Variants in MYH9 observed in about 807,000 individuals in gnomAD.
MYH9 encodes myosin heavy chain 9.
MYH9 carries 29 observed loss-of-function variants against 241.9 expected under a neutral mutation model. The ratio of observed to expected loss-of-function variants is 0.12; its 90% CI spans 0.09 to 0.16. The LOEUF (loss-of-function observed/expected upper bound fraction) is 0.16, where lower values mean the gene tolerates loss of function less well. Among genes scored for constraint, MYH9 ranks in the 10% least tolerant of loss-of-function variants. The pLI is 1.00. For missense variants in MYH9, 1,803 were observed against 2,595.5 expected (o/e 0.69, Z 6.63); for synonymous variants, 1,047 against 1,062.6 (o/e 0.99, Z 0.29).
At chr22:36,292,255 A>T (rs572877898) in intron 30 of MYH9, 21 bp from the exon 31 acceptor site, 1 of 1,613,334 alleles carries the variant, frequency 6.2e-7, no homozygotes, top group South Asian at 1.1e-5. Flanking sequence ...GCAAGGAGTA[A>T]GCAGATGCCC....
intron 1 of MYH9, among the ~76,000 whole-genome samples, chr22:36,369,037 T>C (rs1299600640): frequency 6.6e-6 from 1 of 152,010 alleles, no homozygotes; most frequent in East Asian, 1.9e-4. Flanking sequence ...CCAAGGTGTA[T>C]GATACTGCAC....
intron 1 of MYH9, among the ~76,000 whole-genome samples, chr22:36,380,865 T>C (rs1289376370): frequency 1.3e-5 from 2 of 152,328 alleles, no homozygotes; most frequent in South Asian, 2.1e-4. Flanking sequence ...AAGCGAATTA[T>C]GGAAACCTTG....
intron 13 of MYH9, 115 bp from the exon 14 acceptor site, chr22:36,312,337 C>T: frequency 9.5e-7 from 1 of 1,056,118 alleles, no homozygotes; most frequent in Non-Finnish European, 1.4e-6. Context: ...CGGTGGGCGA[C>T]ACACTCCCCA....
At chr22:36,384,651 T>C (rs1206069213) in intron 1 of MYH9, among the ~76,000 whole-genome samples, 13 of 98,330 alleles carry the variant, frequency 1.3e-4, no homozygotes, top group South Asian at 3.5e-4. Context: ...TATATATATA[T>C]ACAGCCACTA....
In MYH9 at chr22:36,305,937, GA is replaced by G. The variant is rs1228707838; in HGVS notation, c.2151del (p.Arg718GlyfsTer7). 6.2e-7 allele frequency: 1 copy of G among 1,613,054 alleles called. No individual in the cohort carries two copies. Among genetic ancestry groups the G allele is most frequent in the Non-Finnish European group, 8.5e-7 (1 of 1,179,980 alleles). ...CTCCGGGCCCTGGCTCACCTCTGCC[GA>G]AACTCCTGGAAGACCACCCTGTTGG... ...GFPNRVVFQE[F>X]RQRYEILTPN... On this transcript the variant is annotated frameshift_variant, in exon 17 of 41. Coordinates refer to ENST00000216181, the MANE Select transcript of MYH9 (RefSeq NM_002473.6). LOFTEE classifies it high-confidence loss of function. The surrounding 1 kb of genome is among the most constrained non-coding windows in gnomAD (Gnocchi z 4.7).
intron 15 of MYH9, among the ~76,000 whole-genome samples, chr22:36,308,632 T>C (rs980049922): frequency 6.6e-6 from 1 of 152,014 alleles, no homozygotes; most frequent in Non-Finnish European, 1.5e-5. Context: ...AGGCCGGCGA[T>C]AGGCACAGTG....
chr22:36,302,600 G>A lies in MYH9; in HGVS notation c.2467C>T (p.Arg823Trp), dbSNP rs1569535262. ...QRNCAAYLKL[R>W]NWQWWRLFTK... is the part of the protein sequence containing the mutation. ...AAGAGCCGCCACCACTGCCAGTTCCGCAGCTTCAGGTAGGCAGCGCAGTTC... is the reference window on the plus strand; with the variant it reads ...AAGAGCCGCCACCACTGCCAGTTCCACAGCTTCAGGTAGGCAGCGCAGTTC... Residue 823 changes from arginine to tryptophan, a missense_variant, in exon 20 of 41, where the codon CGG becomes TGG. Physicochemically the swap from Arg to Trp is moderately radical, Grantham distance 101. This residue lies in a region of MYH9 where 13 missense variants were observed against 43.8 expected (regional missense o/e 0.30). Transcript: ENST00000216181. 1 of 1,613,444 alleles carries A rather than the reference G, an allele frequency of 6.2e-7. No individual in the cohort carries two copies. The highest frequency in any genetic ancestry group is 1.3e-5 in the African/African-American group (1 of 75,070).
chr22:36,318,825 G>T (rs561924960), intron 10 of MYH9, among the ~76,000 whole-genome samples: 16 of 151,924 alleles, frequency 1.1e-4, no homozygotes, highest in Middle Eastern at 6.8e-3. Context: ...GTGCAGTGGC[G>T]CGATTTCGGC....
intron 1 of MYH9, among the ~76,000 whole-genome samples, chr22:36,371,776 C>A (rs1234158904): frequency 7.2e-5 from 11 of 152,070 alleles, no homozygotes; most frequent in Admixed American, 2.6e-4. Context: ...CTCAGGTGAT[C>A]CGCCCGCCTC....
rs1478110853 is a variant in MYH9, at chr22:36,300,784, G to C, written c.2838+67C>G. 1.9e-6 allele frequency: 3 copies of C among 1,568,200 alleles called. No individual in the cohort carries two copies. The highest frequency in any genetic ancestry group is 2.7e-5 in the African/African-American group (2 of 74,394). On this transcript the variant is annotated intron_variant, in intron 22 of 40. Coordinates refer to ENST00000216181, the MANE Select transcript of MYH9 (RefSeq NM_002473.6). This position sits in a 1 kb window ranked among gnomAD's most constrained non-coding sequence, Gnocchi z 5.0. ...TAATTCCATGTTCTCCCAGCTCCTGGTTCCTGCTCCTCCGCCCCGCCCTGC... is the reference window on the plus strand; with the variant it reads ...TAATTCCATGTTCTCCCAGCTCCTGCTTCCTGCTCCTCCGCCCCGCCCTGC...
At chr22:36,370,026 A>G (rs1374591741) in intron 1 of MYH9, among the ~76,000 whole-genome samples, 3 of 152,280 alleles carry the variant, frequency 2.0e-5, no homozygotes, top group African/African-American at 7.2e-5. Flanking sequence ...AGATAAAAAT[A>G]TATCACCTGG....
At position 36,293,792 on chromosome 22, in the gene MYH9, G is replaced by A. The variant is rs1313746800; in HGVS notation, c.3909C>T (p.Phe1303=). The change falls in exon 29 of 41, where the codon TTC becomes TTT. Residue 1303 remains phenylalanine (F), a synonymous_variant. Transcript: ENST00000216181. This position sits in a 1 kb window ranked among gnomAD's most constrained non-coding sequence, Gnocchi z 5.1. ...CCTGCAGCTGGGACTCCAGCGCGGA[G>A]AAGTCCTTGGTGAGCTTGCTGGACT... ...DSKSSKLTKD[F]SALESQLQDT... is the part of the protein sequence containing the mutation. 1 of 1,613,866 alleles carries A rather than the reference G, an allele frequency of 6.2e-7. No homozygotes were observed. Among genetic ancestry groups the A allele is most frequent in the Non-Finnish European group, 8.5e-7 (1 of 1,180,040 alleles).
chr22:36,381,326 G>A (rs2018251974), intron 1 of MYH9, among the ~76,000 whole-genome samples: 1 of 151,904 alleles, frequency 6.6e-6, no homozygotes, highest in Non-Finnish European at 1.5e-5. Flanking sequence ...ACCAACCTGG[G>A]CAACATGGTG....
Position 36,349,177 on chromosome 22 carries a change from C to T in MYH9, c.60G>A (p.Pro20=), listed in dbSNP as rs754103144. The change falls in exon 2 of 41, where the codon CCG becomes CCA. Residue 20 remains proline (P), a synonymous_variant. Coordinates refer to ENST00000216181, the MANE Select transcript of MYH9 (RefSeq NM_002473.6). The stretch of plus-strand genomic sequence containing the variant: ...TGGCAGCCCAGTCGGCCTGGGCCAG[C>T]GGATTGTTGATGAAGTTTTTATCCA... ...LYVDKNFINN[P]LAQADWAAKK... is the part of the protein sequence containing the mutation. The T allele has an allele frequency of 3.3e-5, 54 of 1,614,040 alleles. No individual in the cohort carries two copies. Among genetic ancestry groups the T allele is most frequent in the Non-Finnish European group, 4.5e-5 (53 of 1,180,008 alleles).
chr22:36,364,370 T>G (rs1698990077), intron 1 of MYH9, among the ~76,000 whole-genome samples: 1 of 152,056 alleles, frequency 6.6e-6, no homozygotes, highest in Non-Finnish European at 1.5e-5. Context: ...TGGGAGAGGC[T>G]CCCATCTTCC....
At position 36,295,401 on chromosome 22, in the gene MYH9, G is replaced by T. The variant is rs1202718072; in HGVS notation, c.3485+104C>A. 3 of 808,622 alleles carry T rather than the reference G, an allele frequency of 3.7e-6. No homozygotes were observed. The highest frequency in any genetic ancestry group is 2.9e-5 in the East Asian group (1 of 34,254). 50.1% of individuals were successfully genotyped at this position (808,622 alleles called of 1,614,324 possible). ...GCCTGCTGGTGCCTAAGAGGGCCAC[G>T]GTGTGTGTGTGTGTGTGTGTGCAGA... On this transcript the variant is annotated intron_variant, in intron 26 of 40. Transcript: ENST00000216181. This position sits in a 1 kb window ranked among gnomAD's most constrained non-coding sequence, Gnocchi z 4.1.
chr22:36,318,184 T>G lies in MYH9; in HGVS notation c.1227+23A>C, dbSNP rs202010494. On this transcript the variant is annotated intron_variant, in intron 11 of 40. Coordinates refer to ENST00000216181, the MANE Select transcript of MYH9 (RefSeq NM_002473.6). ...GACATTCACCCAGGAGGCAGCCAGC[T>G]GCCCTGGCCCCAGAGGACATACCTG... 6 of 1,599,920 alleles carry G rather than the reference T, an allele frequency of 3.8e-6. No homozygotes were observed. The African/African-American group carries it at 8.0e-5, about 21-fold the overall frequency.
chr22:36,332,547 C>T (rs1229112538), intron 3 of MYH9, among the ~76,000 whole-genome samples: 1 of 151,992 alleles, frequency 6.6e-6, no homozygotes, highest in Non-Finnish European at 1.5e-5. Flanking sequence ...GCCTCTGCCC[C>T]ATAGCCCCTG....
At chr22:36,339,278 C>T (rs1451215791) in intron 3 of MYH9, among the ~76,000 whole-genome samples, 5 of 152,212 alleles carry the variant, frequency 3.3e-5, no homozygotes, top group Non-Finnish European at 7.3e-5. Context: ...AGTGTGAGAA[C>T]AGGCCCTTAC....
Sources: allele counts gnomAD v4.1 joint callset (sites outside exome capture counted in the v4.1 genomes callset), GRCh38; gene constraint gnomAD v4.1.1; regional missense constraint gnomAD v4.1.1; non-coding constraint Gnocchi (gnomAD v3.1); transcripts MANE v1.5; gene names NCBI Gene and HGNC (gene_info 2026-07-23, HGNC 2026-07-21).